BICD1: variants seen among roughly 807,000 people sequenced by gnomAD.
BICD1 encodes BICD cargo adaptor 1.
Under a neutral mutation model 92.5 loss-of-function variants are expected in BICD1, and 35 were observed. The ratio of observed to expected loss-of-function variants is 0.38; its 90% CI spans 0.29 to 0.50. The LOEUF (loss-of-function observed/expected upper bound fraction) is 0.50, where lower values mean the gene tolerates loss of function less well. Among genes scored for constraint, BICD1 ranks in the 20% least tolerant of loss-of-function variants. BICD1 has a pLI of 0.93. For synonymous variants in BICD1, 429 were observed against 465.1 expected (o/e 0.92, Z 1.00); for missense variants, 950 against 1,189.8 (o/e 0.80, Z 2.97).
At chr12:32,159,823 G>C (rs1335795198) in intron 1 of BICD1, among the ~76,000 whole-genome samples, 2 of 152,088 alleles carry the variant, frequency 1.3e-5, no homozygotes, top group African/African-American at 4.8e-5. Context: ...CCTTCCTGGA[G>C]AGGAAAGAAG....
At chr12:32,145,847 C>T (rs776160960) in intron 1 of BICD1, among the ~76,000 whole-genome samples, 1 of 152,170 alleles carries the variant, frequency 6.6e-6, no homozygotes, top group Non-Finnish European at 1.5e-5. Flanking sequence ...AATTCTTGTA[C>T]ATAAATAATT....
chr12:32,120,784 T>G (rs1380502832), intron 1 of BICD1, among the ~76,000 whole-genome samples: 1 of 151,656 alleles, frequency 6.6e-6, no homozygotes, highest in Non-Finnish European at 1.5e-5. Flanking sequence ...AATCACAAAC[T>G]GGCTTTCTTT....
intron 2 of BICD1, among the ~76,000 whole-genome samples, chr12:32,292,618 T>A (rs538050162): frequency 6.6e-6 from 1 of 152,344 alleles, no homozygotes; most frequent in Non-Finnish European, 1.5e-5. Context: ...CTATTCATTG[T>A]CAGTCCTACC....
chr12:32,216,575 A>G, intron 2 of BICD1, 116 bp downstream of exon 2: 1 of 1,063,616 alleles, frequency 9.4e-7, no homozygotes, highest in African/African-American at 1.6e-5. Context: ...TTAAGCACGA[A>G]ACTACTAATA....
chr12:32,205,057 C>T (rs1945009067), intron 1 of BICD1, among the ~76,000 whole-genome samples: 1 of 152,106 alleles, frequency 6.6e-6, no homozygotes, highest in South Asian at 2.1e-4. Context: ...TGCACACATT[C>T]CATTAATAAG....
chr12:32,116,498 C>CTATATA (rs1565525031), intron 1 of BICD1, among the ~76,000 whole-genome samples: 5 of 70,614 alleles, frequency 7.1e-5, no homozygotes, highest in South Asian at 4.5e-4. Context: ...CTCTTTCTCT[C>CTATATA]TCTCTCTCTC....
chr12:32,134,941 C>T (rs1942675141), intron 1 of BICD1, among the ~76,000 whole-genome samples: 1 of 152,100 alleles, frequency 6.6e-6, no homozygotes, highest in Admixed American at 6.5e-5. Flanking sequence ...GATTTCAGGC[C>T]AGTCTCAAAA....
chr12:32,177,344 A>G (rs531042064), intron 1 of BICD1, among the ~76,000 whole-genome samples: 23 of 152,022 alleles, frequency 1.5e-4, no homozygotes, highest in African/African-American at 4.8e-4. Context: ...AGTTTCTAAA[A>G]TATCGTGTCT....
intron 1 of BICD1, among the ~76,000 whole-genome samples, chr12:32,116,220 G>A (rs2121179408): frequency 6.6e-6 from 1 of 152,010 alleles, no homozygotes; most frequent in Admixed American, 6.5e-5. Context: ...AGAGCTGCAT[G>A]TTCTGCTTAT....
chr12:32,121,812 ATTTTT>A (rs77883866), intron 1 of BICD1, among the ~76,000 whole-genome samples: 2 of 140,236 alleles, frequency 1.4e-5, no homozygotes, highest in African/African-American at 5.4e-5. Flanking sequence ...AGTTTGTCAA[ATTTTT>A]TTTTTTTTTT....
chr12:32,277,558 T>G (rs1304712982), intron 2 of BICD1, among the ~76,000 whole-genome samples: 1 of 152,250 alleles, frequency 6.6e-6, no homozygotes, highest in Non-Finnish European at 1.5e-5. Context: ...ATGGTAAAGG[T>G]GTTTTATAGC....
chr12:32,283,512 A>G (rs137971998), intron 2 of BICD1, among the ~76,000 whole-genome samples: 57 of 152,328 alleles, frequency 3.7e-4, no homozygotes, highest in Non-Finnish European at 7.5e-4. Context: ...TTTATGACCA[A>G]AAGAGAGAGA....
chr12:32,261,021 T>C (rs780156237), intron 2 of BICD1, among the ~76,000 whole-genome samples: 10 of 152,218 alleles, frequency 6.6e-5, no homozygotes, highest in Non-Finnish European at 1.5e-4. Flanking sequence ...CTCAGTTTCC[T>C]GACTGGGCTA....
chr12:32,107,239 C>A lies in BICD1; in HGVS notation c.-93C>A. 1 of 1,191,394 alleles carries A rather than the reference C, an allele frequency of 8.4e-7. No individual in the cohort carries two copies. The highest frequency in any genetic ancestry group is 1.2e-6 in the Non-Finnish European group (1 of 847,538). The allele number at this position is 1,191,394 out of a possible 1,614,324, so 73.8% of individuals were successfully genotyped here. A position where few individuals can be genotyped will look rare whatever the true frequency, so the allele number is the denominator to read the frequency against. ...GCCGCACTTTCTTTTCCGTTTCCAC[C>A]CATCCCTTCCCATTTCCTTCTCCCT... On this transcript the variant is annotated 5_prime_UTR_variant, in exon 1 of 10. Coordinates refer to ENST00000652176, the MANE Select transcript of BICD1 (RefSeq NM_001714.4).
rs917316581 is a variant in BICD1 at position 32,382,087 on chromosome 12, C to A, written c.*4460C>A. 6.6e-6 allele frequency: 1 copy of A among 152,074 alleles called. No homozygotes were observed. The highest frequency in any genetic ancestry group is 1.9e-4 in the East Asian group (1 of 5,176). 9.4% of individuals were successfully genotyped at this position (152,074 alleles called of 1,614,324 possible). On this transcript the variant is annotated 3_prime_UTR_variant, in exon 10 of 10. Transcript: ENST00000652176. ...CATTTTCCATTGTCTGTAATAATGC[C>A]CTCGGATGAGTTGTGTCTAAAATTA...
At chr12:32,348,888 A>G (rs540414524) in intron 8 of BICD1, among the ~76,000 whole-genome samples, 36 of 151,706 alleles carry the variant, frequency 2.4e-4, no homozygotes, top group African/African-American at 6.7e-4. Context: ...GTAACAACAA[A>G]CTAGTCTAAA....
At chr12:32,139,324 G>A (rs1314380308) in intron 1 of BICD1, among the ~76,000 whole-genome samples, 2 of 152,108 alleles carry the variant, frequency 1.3e-5, no homozygotes, top group Non-Finnish European at 2.9e-5. Context: ...AATTTTCAAG[G>A]CAGTGCTTTC....
intron 2 of BICD1, among the ~76,000 whole-genome samples, chr12:32,276,779 T>A (rs1306558191): frequency 1.3e-5 from 2 of 152,224 alleles, no homozygotes; most frequent in Non-Finnish European, 2.9e-5. Context: ...AGTGATTTTT[T>A]AAAAAACTGC....
intron 2 of BICD1, among the ~76,000 whole-genome samples, chr12:32,245,687 A>G (rs1946362110): frequency 6.6e-6 from 1 of 152,130 alleles, no homozygotes; most frequent in Admixed American, 6.6e-5. Context: ...GAGGTAATGC[A>G]AAGCTCTTAG....
Sources: gnomAD v4.1 joint callset for allele counts (sites outside exome capture counted in the v4.1 genomes callset) on GRCh38, gnomAD v4.1.1 for gene constraint, MANE v1.5 for transcripts, NCBI Gene and HGNC (gene_info 2026-07-23, HGNC 2026-07-21) for gene names.